Variants in GREB1L observed in about 807,000 individuals in gnomAD.
GREB1L encodes GREB1 like retinoic acid receptor coactivator.
GREB1L carries 17 observed loss-of-function variants against 200.8 expected under a neutral mutation model. The observed-to-expected ratio is 0.08, with a 90% CI of 0.06 to 0.13. The LOEUF (loss-of-function observed/expected upper bound fraction) is 0.13, where lower values mean the gene tolerates loss of function less well. Among genes scored for constraint, GREB1L ranks in the 10% least tolerant of loss-of-function variants. GREB1L has a pLI of 1.00. For synonymous variants in GREB1L, 789 were observed against 893.0 expected (o/e 0.88, Z 2.08); for missense variants, 1,657 against 2,367.7 (o/e 0.70, Z 6.23).
intron 2 of GREB1L, among the ~76,000 whole-genome samples, chr18:21,378,927 T>C (rs1415138813): frequency 1.3e-5 from 2 of 151,954 alleles, no homozygotes; most frequent in African/African-American, 4.8e-5. Flanking sequence ...TGGAATGCTA[T>C]GGCACAATCA....
intron 17 of GREB1L, among the ~76,000 whole-genome samples, chr18:21,478,584 C>T (rs1215775739): frequency 6.6e-6 from 1 of 152,190 alleles, no homozygotes; most frequent in African/African-American, 2.4e-5. Flanking sequence ...TGGTTTGTTC[C>T]TTGCAAGCAG....
chr18:21,343,214 A>G (rs1468232081), intron 1 of GREB1L, among the ~76,000 whole-genome samples: 1 of 152,080 alleles, frequency 6.6e-6, no homozygotes, highest in East Asian at 1.9e-4. Flanking sequence ...TTTCTTTTCT[A>G]CTATCATAGT....
At chr18:21,449,868 A>C in intron 12 of GREB1L, 32 bp downstream of exon 12, 2 of 1,419,330 alleles carry the variant, frequency 1.4e-6, no homozygotes, top group Middle Eastern at 3.6e-4. Flanking sequence ...TGTTTGTTTA[A>C]TCAATTCATT....
At chr18:21,460,897 G>C (rs1183560762) in intron 15 of GREB1L, among the ~76,000 whole-genome samples, 1 of 150,036 alleles carries the variant, frequency 6.7e-6, no homozygotes, top group African/African-American at 2.4e-5. Context: ...AGGAGTTCGA[G>C]ACCAGCCGGG....
chr18:21,445,249 C>T (rs149010012), intron 11 of GREB1L, among the ~76,000 whole-genome samples: 2 of 152,280 alleles, frequency 1.3e-5, no homozygotes, highest in African/African-American at 4.8e-5. Context: ...CCAAGGTGGG[C>T]GGATCACCTG....
intron 1 of GREB1L, among the ~76,000 whole-genome samples, chr18:21,327,322 A>G (rs761985065): frequency 1.3e-5 from 2 of 152,116 alleles, no homozygotes; most frequent in African/African-American, 2.4e-5. Flanking sequence ...GAAACTTCCC[A>G]GTTATCCTAG....
chr18:21,414,167 A>G (rs145685648), intron 7 of GREB1L, among the ~76,000 whole-genome samples: 4 of 152,360 alleles, frequency 2.6e-5, no homozygotes, highest in East Asian at 1.9e-4. Flanking sequence ...TATAGCAACA[A>G]TTGAGCAAAT....
intron 1 of GREB1L, among the ~76,000 whole-genome samples, chr18:21,305,309 T>G (rs1034708159): frequency 1.3e-5 from 2 of 152,144 alleles, no homozygotes; most frequent in African/African-American, 4.8e-5. Flanking sequence ...CTTATTTTAT[T>G]TTATTCCTAG....
chr18:21,375,224 C>T (rs1255537716), intron 2 of GREB1L, among the ~76,000 whole-genome samples: 1 of 151,794 alleles, frequency 6.6e-6, no homozygotes, highest in Non-Finnish European at 1.5e-5. Flanking sequence ...ACCACCACGC[C>T]CGGCTAATTT....
At chr18:21,278,389 AAAAT>A (rs67061918) in intron 1 of GREB1L, among the ~76,000 whole-genome samples, 7,512 of 125,084 alleles carry the variant, frequency 0.06, 429 homozygotes, top group East Asian at 0.23. Flanking sequence ...TCAAAAAAAA[AAAAT>A]AAATAAATAA....
At chr18:21,508,816 TAAG>T (rs2037124561) in intron 27 of GREB1L, 3 of 561,442 alleles carry the variant, frequency 5.3e-6, no homozygotes. Context: ...GACTGGTAAT[TAAG>T]GAAGAAGTCA....
chr18:21,347,926 T>C (rs932131134), intron 1 of GREB1L, among the ~76,000 whole-genome samples: 103 of 98,914 alleles, frequency 1.0e-3, no homozygotes, highest in South Asian at 2.4e-3. Context: ...GCCACCACAC[T>C]CGGCTAATTT....
At chr18:21,415,072 C>T (rs2031492559) in intron 7 of GREB1L, among the ~76,000 whole-genome samples, 1 of 152,046 alleles carries the variant, frequency 6.6e-6, no homozygotes, top group South Asian at 2.1e-4. Flanking sequence ...GAGACCAGAG[C>T]AGCTAGAGTT....
At chr18:21,382,981 A>G (rs1327604047) in intron 2 of GREB1L, among the ~76,000 whole-genome samples, 5 of 152,248 alleles carry the variant, frequency 3.3e-5, no homozygotes, top group Non-Finnish European at 7.3e-5. Context: ...GAATTATTCA[A>G]GTTGAAAACG....
intron 27 of GREB1L, among the ~76,000 whole-genome samples, chr18:21,510,695 A>G (rs2037205369): frequency 6.6e-6 from 1 of 152,208 alleles, no homozygotes. Context: ...TCTTCTGGGT[A>G]TGTATCTAGA....
intron 7 of GREB1L, among the ~76,000 whole-genome samples, chr18:21,422,515 C>T (rs1255284009): frequency 6.6e-6 from 1 of 152,082 alleles, no homozygotes; most frequent in African/African-American, 2.4e-5. Flanking sequence ...AATGCAAATT[C>T]TTATTTTTAC....
chr18:21,268,587 A>G (rs1461474243), intron 1 of GREB1L, among the ~76,000 whole-genome samples: 18 of 136,466 alleles, frequency 1.3e-4, no homozygotes, highest in Non-Finnish European at 2.5e-4. Context: ...ATATATATAT[A>G]TATATACATG....
At chr18:21,322,975 T>C (rs1394205961) in intron 1 of GREB1L, among the ~76,000 whole-genome samples, 1 of 152,196 alleles carries the variant, frequency 6.6e-6, no homozygotes, top group East Asian at 1.9e-4. Context: ...GATTGTTAAG[T>C]TCAATACATA....
At chr18:21,473,916 G>A (rs2035584433) in intron 16 of GREB1L, among the ~76,000 whole-genome samples, 1 of 152,168 alleles carries the variant, frequency 6.6e-6, no homozygotes, top group African/African-American at 2.4e-5. Context: ...TGAGGAAGAT[G>A]TAAAAGCAGA....
Sources: allele counts gnomAD v4.1 joint callset (sites outside exome capture counted in the v4.1 genomes callset), GRCh38; gene constraint gnomAD v4.1.1; transcripts MANE v1.5; gene names NCBI Gene and HGNC (gene_info 2026-07-23, HGNC 2026-07-21).